Variants in EFR3A observed in about 807,000 individuals in gnomAD.
EFR3A encodes the protein protein EFR3 homolog A.
EFR3A carries 76 observed loss-of-function variants against 104.4 expected under a neutral mutation model. That is an observed-to-expected ratio of 0.73 (90% CI 0.60 to 0.88). EFR3A has a LOEUF of 0.88. Ranked by LOEUF, EFR3A falls within the 40% of genes least tolerant of loss-of-function variation. EFR3A has a pLI of 0.00. For missense variants in EFR3A, 985 were observed against 1,012.5 expected, an observed-to-expected ratio of 0.97 and a Z score of 0.37; for synonymous variants, 330 against 330.0, an observed-to-expected ratio of 1.00 and a Z score of 0.00.
In EFR3A at chr8:132,012,675, T is replaced by A. The variant is rs1335693087; in HGVS notation, c.*1780T>A. 1.3e-5 allele frequency: 2 copies of A among 152,524 alleles called. No homozygotes were observed. Among genetic ancestry groups the A allele is most frequent in the Non-Finnish European group, 2.9e-5 (2 of 68,014 alleles). 9.4% of individuals were successfully genotyped at this position (152,524 alleles called of 1,614,324 possible). On this transcript the variant is annotated 3_prime_UTR_variant, in exon 23 of 23. Transcript: ENST00000254624. ...TTAAAAAAATCTAAGCAGGGGGACA[T>A]GCAAAAACAATCATCATCCACTTGG...
At chr8:131,960,002 C>T (rs1193166881) in intron 8 of EFR3A, among the ~76,000 whole-genome samples, 1 of 152,168 alleles carries the variant, frequency 6.6e-6, no homozygotes, top group Non-Finnish European at 1.5e-5. Context: ...ATCTCATAGC[C>T]TTCCTTTCCT....
chr8:131,927,433 C>T (rs1229001511), intron 1 of EFR3A, among the ~76,000 whole-genome samples: 1 of 152,158 alleles, frequency 6.6e-6, no homozygotes, highest in Non-Finnish European at 1.5e-5. Context: ...CTCTAGGTTA[C>T]TGTTCCCCAA....
chr8:132,006,501 C>T (rs1822060493), intron 22 of EFR3A, among the ~76,000 whole-genome samples: 1 of 151,936 alleles, frequency 6.6e-6, no homozygotes, highest in African/African-American at 2.4e-5. Flanking sequence ...AGTAGTAAAA[C>T]ATCCAAATAA....
intron 8 of EFR3A, among the ~76,000 whole-genome samples, chr8:131,963,110 G>GA (rs748853251): frequency 6.6e-6 from 1 of 152,160 alleles, no homozygotes; most frequent in Non-Finnish European, 1.5e-5. Flanking sequence ...GCCCACAAGA[G>GA]AAAGCAGGAA....
intron 1 of EFR3A, among the ~76,000 whole-genome samples, chr8:131,931,643 A>G (rs1217537756): frequency 6.6e-6 from 1 of 152,154 alleles, no homozygotes; most frequent in Non-Finnish European, 1.5e-5. Flanking sequence ...TAGACATTTT[A>G]TAAAACATTT....
At chr8:131,938,627 G>C (rs967240195) in intron 1 of EFR3A, among the ~76,000 whole-genome samples, 1 of 152,082 alleles carries the variant, frequency 6.6e-6, no homozygotes, top group Non-Finnish European at 1.5e-5. Context: ...TCCCTCATCT[G>C]TTAGGCACAC....
At chr8:131,944,991 C>T in intron 3 of EFR3A, 119 bp downstream of exon 3, 2 of 1,127,780 alleles carry the variant, frequency 1.8e-6, no homozygotes, top group Non-Finnish European at 2.5e-6. Flanking sequence ...GAGGATAAAA[C>T]ATTGTAATAT....
At chr8:131,931,980 C>T (rs941082338) in intron 1 of EFR3A, among the ~76,000 whole-genome samples, 2 of 152,008 alleles carry the variant, frequency 1.3e-5, no homozygotes, top group Non-Finnish European at 2.9e-5. Flanking sequence ...CTGGTCCTGG[C>T]ATAATTAATG....
At chr8:131,955,048 G>A (rs1416467551) in intron 6 of EFR3A, among the ~76,000 whole-genome samples, 1 of 151,982 alleles carries the variant, frequency 6.6e-6, no homozygotes, top group Non-Finnish European at 1.5e-5. Context: ...CTGTAGCTGA[G>A]GTGAAAGTTT....
intron 8 of EFR3A, among the ~76,000 whole-genome samples, chr8:131,965,395 G>A (rs567505306): frequency 1.3e-5 from 2 of 152,194 alleles, no homozygotes; most frequent in East Asian, 3.9e-4. Flanking sequence ...CAACAAGTGG[G>A]TGAAGGATAT....
rs1380188144 is a variant in EFR3A, at chr8:131,946,599, G to A, written c.332G>A (p.Gly111Glu). 1 of 1,604,390 alleles carries A rather than the reference G, an allele frequency of 6.2e-7. No homozygotes were observed. The highest frequency in any genetic ancestry group is 1.1e-5 in the South Asian group (1 of 89,256). The change falls in exon 4 of 23, where the codon GGG (glycine) becomes GAG (glutamate). Residue 111 changes from glycine to glutamate, a missense_variant. Physicochemically the swap from Gly to Glu is moderately conservative, Grantham distance 98. Coordinates refer to ENST00000254624, the MANE Select transcript of EFR3A (RefSeq NM_015137.6). The stretch of plus-strand genomic sequence containing the variant: ...ATGGTGGCAAAGCTGCTGGAATCGG[G>A]GGAACCAAAGCTTCAAGTTCTTGGA... ...LHMVAKLLESGEPKLQVLGTN... is the reference protein window; with the variant it reads ...LHMVAKLLESEEPKLQVLGTN...
intron 16 of EFR3A, 30 bp downstream of exon 16, chr8:131,985,090 G>T: frequency 6.3e-7 from 1 of 1,575,052 alleles, no homozygotes; most frequent in South Asian, 1.2e-5. Context: ...CCTTAAACTT[G>T]AATTTTGTAC....
At chr8:131,947,414 T>C (rs1487722216) in intron 4 of EFR3A, among the ~76,000 whole-genome samples, 1 of 152,062 alleles carries the variant, frequency 6.6e-6, no homozygotes, top group Non-Finnish European at 1.5e-5. Context: ...ATAAGAGTAC[T>C]TTATCAGATA....
Position 131,953,798 on chromosome 8 carries a change from C to CTTTTTTTTTTTTTTTTTT in EFR3A, c.489-5_489-4insTTTTTTTTTTTTTTTTTT, listed in dbSNP as rs112472883. The CTTTTTTTTTTTTTTTTTT allele has an allele frequency of 1.0e-6, 1 of 978,354 alleles. No homozygotes were observed. 60.6% of individuals were successfully genotyped at this position (978,354 alleles called of 1,614,324 possible). On this transcript the variant is annotated intron_variant, in intron 5 of 22. Coordinates refer to ENST00000254624, the MANE Select transcript of EFR3A (RefSeq NM_015137.6). ...AATTTTTTTATGGCTCATTTTCTTC[C>CTTTTTTTTTTTTTTTTTT]TTTTTTTTTTTTTTTATAGGATACG... is the stretch of plus-strand genomic sequence containing the variant.
At position 132,011,242 on chromosome 8, in the gene EFR3A, T is replaced by C; in HGVS notation, c.*347T>C. ...GTAAGCCTTCAGAGGATTGAAACTG[T>C]ATAAATTGTTTATCTCTTAAACATC... On this transcript the variant is annotated 3_prime_UTR_variant, in exon 23 of 23. Transcript: ENST00000254624. 2 of 997,868 alleles carry C rather than the reference T, an allele frequency of 2.0e-6. No homozygotes were observed. The highest frequency in any genetic ancestry group is 5.1e-4 in the Middle Eastern group (1 of 1,952). The allele number at this position is 997,868 out of a possible 1,614,324, so 61.8% of individuals were successfully genotyped here. A position where few individuals can be genotyped will look rare whatever the true frequency, so the allele number is the denominator to read the frequency against.
At chr8:131,989,612 T>C (rs1821063912) in intron 18 of EFR3A, among the ~76,000 whole-genome samples, 1 of 152,216 alleles carries the variant, frequency 6.6e-6, no homozygotes, top group South Asian at 2.1e-4. Context: ...GACTCAAATA[T>C]TGTTCAGGCA....
Position 132,013,346 on chromosome 8 carries a change from A to G in EFR3A, c.*2451A>G, listed in dbSNP as rs956789723. 1.3e-5 allele frequency: 2 copies of G among 152,592 alleles called. No individual in the cohort carries two copies. Among genetic ancestry groups the G allele is most frequent in the East Asian group, 1.9e-4 (1 of 5,194 alleles). The allele number at this position is 152,592 out of a possible 1,614,324, so 9.5% of individuals were successfully genotyped here. A position where few individuals can be genotyped will look rare whatever the true frequency, so the allele number is the denominator to read the frequency against. Reference sequence around the variant, plus strand: ...TGAATACCTATGCGTACACACACACATATTTCCTTAATACTTCTGAACTCA... The same window carrying G: ...TGAATACCTATGCGTACACACACACGTATTTCCTTAATACTTCTGAACTCA... On this transcript the variant is annotated 3_prime_UTR_variant, in exon 23 of 23. Coordinates refer to ENST00000254624, the MANE Select transcript of EFR3A (RefSeq NM_015137.6).
chr8:131,906,581 G>A (rs1816276217), intron 1 of EFR3A, among the ~76,000 whole-genome samples: 1 of 152,162 alleles, frequency 6.6e-6, no homozygotes, highest in Admixed American at 6.5e-5. Context: ...TTAATAACTA[G>A]AATCCAGTGA....
chr8:131,978,938 A>C lies in EFR3A; in HGVS notation c.1418A>C (p.Tyr473Ser). 1 of 1,613,296 alleles carries C rather than the reference A, an allele frequency of 6.2e-7. No individual in the cohort carries two copies. Among genetic ancestry groups the C allele is most frequent in the Non-Finnish European group, 8.5e-7 (1 of 1,179,360 alleles). ...PLLSPSLMED[Y>S]ELRQLVLEVM... ...TTATCACCATCTCTCATGGAGGACT[A>C]CGAACTGAGACAGTTGGTCTTGGAA... is the stretch of plus-strand genomic sequence containing the variant. Residue 473 changes from tyrosine (Y) to serine (S), a missense_variant, in exon 13 of 23, where the codon TAC becomes TCC. Physicochemically the swap from Tyr to Ser is moderately radical, Grantham distance 144. Transcript: ENST00000254624.
Sources: allele counts gnomAD v4.1 joint callset (sites outside exome capture counted in the v4.1 genomes callset), GRCh38; gene constraint gnomAD v4.1.1; transcripts MANE v1.5; gene names NCBI Gene and HGNC (gene_info 2026-07-23, HGNC 2026-07-21).